The following BCHE variants were observed in gnomAD, a reference collection of about 807,000 sequenced individuals.
BCHE encodes the protein cholinesterase.
In BCHE, 48 loss-of-function variants were observed where a neutral mutation model predicts 51.3. The observed-to-expected ratio is 0.94, with a 90% CI of 0.74 to 1.19. BCHE has a LOEUF of 1.19. Among genes scored for constraint, BCHE ranks in the 50% most tolerant of loss-of-function variants. The pLI is 0.00. For synonymous variants in BCHE, 251 were observed against 238.0 expected (o/e 1.05, Z -0.50); for missense variants, 847 against 708.2 (o/e 1.20, Z -2.23).
chr3:165,801,478 C>T (rs186770503), intron 2 of BCHE, among the ~76,000 whole-genome samples: 1 of 152,036 alleles, frequency 6.6e-6, no homozygotes, highest in East Asian at 1.9e-4. Context: ...TTGTTATGAT[C>T]AAATTTGTTT....
chr3:165,797,443 A>G (rs904033034), intron 2 of BCHE, among the ~76,000 whole-genome samples: 3 of 148,824 alleles, frequency 2.0e-5, no homozygotes, highest in Non-Finnish European at 4.4e-5. Flanking sequence ...CTAATTTCCA[A>G]ATGTGAAGAT....
intron 2 of BCHE, among the ~76,000 whole-genome samples, chr3:165,799,516 G>A (rs1459756476): frequency 6.6e-6 from 1 of 152,048 alleles, no homozygotes; most frequent in Admixed American, 6.6e-5. Flanking sequence ...CATAAAAGAT[G>A]TTGTATATAG....
chr3:165,832,482 G>C (rs1163999074), intron 1 of BCHE, among the ~76,000 whole-genome samples: 1 of 151,984 alleles, frequency 6.6e-6, no homozygotes, highest in Non-Finnish European at 1.5e-5. Context: ...AGTAGAGATG[G>C]GGTTTTACCA....
At chr3:165,800,652 G>C (rs1197261842) in intron 2 of BCHE, among the ~76,000 whole-genome samples, 1 of 151,992 alleles carries the variant, frequency 6.6e-6, no homozygotes, top group Non-Finnish European at 1.5e-5. Context: ...GAAAAAATGA[G>C]ATTACTCTTA....
At chr3:165,781,277 G>A (rs897739870) in intron 3 of BCHE, among the ~76,000 whole-genome samples, 1 of 151,946 alleles carries the variant, frequency 6.6e-6, no homozygotes, top group Non-Finnish European at 1.5e-5. Context: ...TAAAGCCCAT[G>A]CACATGTATG....
Position 165,786,176 on chromosome 3 carries a change from T to G in BCHE, c.1653A>C (p.Thr551=). ...KLRAQQCRFW[T]SFFPKVLEMT... is the part of the protein sequence containing the mutation. ...TTTCCAAGACTTTTGGAAAAAATGA[T>G]GTCCAGAATCGACATTGTTGAGCAC... Residue 551 remains threonine (T), a synonymous_variant, in exon 3 of 4, where the codon ACA becomes ACC. Coordinates refer to ENST00000264381, the MANE Select transcript of BCHE (RefSeq NM_000055.4). 1 of 1,612,194 alleles carries G rather than the reference T, an allele frequency of 6.2e-7. No homozygotes were observed. The highest frequency in any genetic ancestry group is 8.5e-7 in the Non-Finnish European group (1 of 1,178,636).
rs138670737 is a variant in BCHE, at chr3:165,821,658, T to C, written c.1517+7859A>G. 8.8e-3 allele frequency among the ~76,000 whole-genome samples: 1,334 copies of C among 152,050 alleles called. 21 individuals carry two copies. The highest frequency in any genetic ancestry group is 8.6e-3 in the Non-Finnish European group (585 of 67,838). On this transcript the variant is annotated intron_variant, in intron 2 of 3. Coordinates refer to ENST00000264381, the MANE Select transcript of BCHE (RefSeq NM_000055.4). ...GTTATGGCCATCTGTATGGCCACCC[T>C]TCCTTCAGTGTGGGTGTGTGTATCT...
rs1164843733 is a variant in BCHE at position 165,830,675 on chromosome 3, C to T, written c.359G>A (p.Cys120Tyr). 2 of 1,613,894 alleles carry T rather than the reference C, an allele frequency of 1.2e-6. No homozygotes were observed. The highest frequency in any genetic ancestry group is 1.1e-5 in the South Asian group (1 of 91,086). Residue 120 changes from cysteine to tyrosine, a missense_variant, in exon 2 of 4, where the codon TGT becomes TAT. By Grantham distance (194) the Cys-to-Tyr change is radical. Coordinates refer to ENST00000264381, the MANE Select transcript of BCHE (RefSeq NM_000055.4). ...WNPNTDLSED[C>Y]LYLNVWIPAP... Reference sequence around the variant, plus strand: ...TGGAATCCATACATTTAGATATAAACAGTCTTCACTGAGGTCAGTGTTTGG... The same window carrying T: ...TGGAATCCATACATTTAGATATAAATAGTCTTCACTGAGGTCAGTGTTTGG...
intron 2 of BCHE, among the ~76,000 whole-genome samples, chr3:165,813,275 G>A (rs1330516837): frequency 2.0e-5 from 3 of 151,440 alleles, no homozygotes; most frequent in South Asian, 4.2e-4. Context: ...TTATGCTTAG[G>A]TATTAAGTAA....
chr3:165,793,126 C>G (rs902882955), intron 2 of BCHE, among the ~76,000 whole-genome samples: 2 of 152,078 alleles, frequency 1.3e-5, no homozygotes, highest in East Asian at 3.9e-4. Flanking sequence ...AAAGTGTTTT[C>G]CATATGTTTT....
intron 2 of BCHE, among the ~76,000 whole-genome samples, chr3:165,802,137 G>T (rs1560011669): frequency 6.6e-6 from 1 of 152,188 alleles, no homozygotes; most frequent in Non-Finnish European, 1.5e-5. Flanking sequence ...TTTGCAACCA[G>T]AGTCTGCTAC....
intron 2 of BCHE, among the ~76,000 whole-genome samples, chr3:165,790,813 G>A (rs78545968): frequency 7.3e-6 from 1 of 137,280 alleles, no homozygotes; most frequent in Non-Finnish European, 1.6e-5. Flanking sequence ...AGAAAAACAC[G>A]TGCTTAGAGT....
In BCHE at chr3:165,830,571, CATGTAAAG is replaced by C; in HGVS notation, c.455_462del (p.Ser152CysfsTer3). The C allele has an allele frequency of 6.2e-7, 1 of 1,613,978 alleles. No individual in the cohort carries two copies. The highest frequency in any genetic ancestry group is 8.5e-7 in the Non-Finnish European group (1 of 1,179,934). On this transcript the variant is annotated frameshift_variant, in exon 2 of 4. Transcript: ENST00000264381. LOFTEE classifies it high-confidence loss of function. ...CGAGCCAGAAACTTGCCATCATAAA[CATGTAAAG>C]ATGATGTTCCAGTTTGAAAACCACC...
At position 165,815,521 on chromosome 3, in the gene BCHE, G is replaced by T. The variant is rs547902334; in HGVS notation, c.1517+13996C>A. 3.4e-3 allele frequency among the ~76,000 whole-genome samples: 511 copies of T among 152,214 alleles called. 2 individuals are homozygous for T. The highest frequency in any genetic ancestry group is 5.3e-3 in the Admixed American group (81 of 15,258). On this transcript the variant is annotated intron_variant, in intron 2 of 3. Coordinates refer to ENST00000264381, the MANE Select transcript of BCHE (RefSeq NM_000055.4). Reference sequence around the variant, plus strand: ...GAATTGCTACAACCATGAAAGTGAAGTCCTGAGCAGGGAGCTAGCAAATGT... The same window carrying T: ...GAATTGCTACAACCATGAAAGTGAATTCCTGAGCAGGGAGCTAGCAAATGT...
At chr3:165,801,492 G>GCATTTTATATAAATA (rs1374465578) in intron 2 of BCHE, among the ~76,000 whole-genome samples, 1 of 151,662 alleles carries the variant, frequency 6.6e-6, no homozygotes, top group Non-Finnish European at 1.5e-5. Flanking sequence ...TTTGTTTTTT[G>GCATTTTATATAAATA]CATTTTATAT....
chr3:165,785,626 C>T (rs1261565299), intron 3 of BCHE, among the ~76,000 whole-genome samples: 2 of 151,102 alleles, frequency 1.3e-5, no homozygotes, highest in Non-Finnish European at 3.0e-5. Context: ...CGTGTGTGCT[C>T]TTAGATAAAT....
intron 1 of BCHE, among the ~76,000 whole-genome samples, chr3:165,835,621 CT>C (rs1178810271): frequency 6.6e-6 from 1 of 151,750 alleles, no homozygotes; most frequent in African/African-American, 2.4e-5. Flanking sequence ...TTGTTGCAGA[CT>C]AAGTGAAGTG....
chr3:165,817,698 C>A (rs981510125), intron 2 of BCHE, among the ~76,000 whole-genome samples: 1 of 152,194 alleles, frequency 6.6e-6, no homozygotes, highest in Middle Eastern at 3.4e-3. Context: ...ATAACACATT[C>A]TATCTGCATC....
chr3:165,778,808 C>A, intron 3 of BCHE: 1 of 361,030 alleles, frequency 2.8e-6, no homozygotes, highest in Non-Finnish European at 6.0e-6. Flanking sequence ...TATTAGGTAT[C>A]TTGTTATACA....
Sources: gnomAD v4.1 joint callset for allele counts (sites outside exome capture counted in the v4.1 genomes callset) on GRCh38, gnomAD v4.1.1 for gene constraint, MANE v1.5 for transcripts, NCBI Gene and HGNC (gene_info 2026-07-23, HGNC 2026-07-21) for gene names.